GNA14: variants seen among roughly 807,000 people sequenced by gnomAD.
GNA14 encodes the protein guanine nucleotide-binding protein subunit alpha-14.
In GNA14, 50 loss-of-function variants were observed where a neutral mutation model predicts 42.0. The ratio of observed to expected loss-of-function variants is 1.19; its 90% CI spans 0.95 to 1.51. GNA14 has a LOEUF of 1.51. Among genes scored for constraint, GNA14 ranks in the 40% most tolerant of loss-of-function variants. The probability of loss-of-function intolerance (pLI) is 0.00; values close to 1 mark genes in which losing one functional copy is unlikely to be tolerated. For synonymous variants in GNA14, 173 were observed against 163.1 expected (o/e 1.06, Z -0.46); for missense variants, 473 against 446.2 (o/e 1.06, Z -0.54).
chr9:77,553,146 A>G (rs898633214), intron 1 of GNA14, among the ~76,000 whole-genome samples: 2 of 152,200 alleles, frequency 1.3e-5, no homozygotes, highest in Non-Finnish European at 2.9e-5. Context: ...TTGATCATTC[A>G]TGGAAGGGTG....
chr9:77,468,733 G>A (rs946625077), intron 2 of GNA14, among the ~76,000 whole-genome samples: 8 of 152,142 alleles, frequency 5.3e-5, no homozygotes, highest in Non-Finnish European at 8.8e-5. Context: ...AACAAATCCT[G>A]GAGCCTTGTG....
At chr9:77,569,904 T>C (rs1045617487) in intron 1 of GNA14, among the ~76,000 whole-genome samples, 1 of 152,104 alleles carries the variant, frequency 6.6e-6, no homozygotes, top group African/African-American at 2.4e-5. Context: ...ACAGCTGGGA[T>C]TACAGGCGTG....
intron 2 of GNA14, among the ~76,000 whole-genome samples, chr9:77,440,796 A>G (rs1587762314): frequency 6.6e-6 from 1 of 151,842 alleles, no homozygotes; most frequent in Non-Finnish European, 1.5e-5. Context: ...GTTCACTGCA[A>G]CCTCCACTTC....
intron 1 of GNA14, among the ~76,000 whole-genome samples, chr9:77,534,408 T>C (rs1837569312): frequency 1.3e-5 from 2 of 152,186 alleles, no homozygotes; most frequent in African/African-American, 4.8e-5. Context: ...GCAACATAAA[T>C]CTTTCCCAAG....
rs1231668747 is a variant in GNA14, at chr9:77,629,714, T to C, written c.124+17956A>G. Reference sequence around the variant, plus strand: ...TGGACACAGTGAGGGGAACATCACATACCGGGTTCTGTCAGGGGGTAGGGA... The same window carrying C: ...TGGACACAGTGAGGGGAACATCACACACCGGGTTCTGTCAGGGGGTAGGGA... On this transcript the variant is annotated intron_variant, in intron 1 of 6. Transcript: ENST00000341700. 6.6e-5 allele frequency among the ~76,000 whole-genome samples: 10 copies of C among 152,248 alleles called. 1 individual carries two copies. The South Asian group carries it at 2.1e-3, about 32-fold the overall frequency.
At chr9:77,439,868 G>C (rs1240257240) in intron 2 of GNA14, among the ~76,000 whole-genome samples, 1 of 152,116 alleles carries the variant, frequency 6.6e-6, no homozygotes, top group Non-Finnish European at 1.5e-5. Context: ...GAGGACAAGG[G>C]TTAGGGGAGA....
chr9:77,629,837 C>A (rs970976151), intron 1 of GNA14, among the ~76,000 whole-genome samples: 1 of 152,088 alleles, frequency 6.6e-6, no homozygotes, highest in Non-Finnish European at 1.5e-5. Flanking sequence ...ATGTAACAAA[C>A]CTGCACGTTC....
chr9:77,490,150 G>C (rs1564029971), intron 2 of GNA14, among the ~76,000 whole-genome samples: 1 of 152,212 alleles, frequency 6.6e-6, no homozygotes, highest in Non-Finnish European at 1.5e-5. Context: ...CCCTGAGCTA[G>C]ACATAAAGGT....
At chr9:77,496,321 G>A (rs1268156811) in intron 2 of GNA14, among the ~76,000 whole-genome samples, 2 of 151,836 alleles carry the variant, frequency 1.3e-5, no homozygotes, top group Non-Finnish European at 2.9e-5. Context: ...TCAAGTACAA[G>A]AGCCAAGTTT....
At chr9:77,536,706 G>A (rs1015486218) in intron 1 of GNA14, among the ~76,000 whole-genome samples, 5 of 152,170 alleles carry the variant, frequency 3.3e-5, no homozygotes, top group Non-Finnish European at 5.9e-5. Context: ...TAACCAAGAA[G>A]AGCAGCAATT....
intron 2 of GNA14, among the ~76,000 whole-genome samples, chr9:77,524,797 T>A (rs1474770364): frequency 6.6e-6 from 1 of 151,698 alleles, no homozygotes; most frequent in Non-Finnish European, 1.5e-5. Context: ...AAACAAGTAA[T>A]AAAAAAAATG....
chr9:77,575,443 T>C (rs1351581409), intron 1 of GNA14, among the ~76,000 whole-genome samples: 1 of 152,214 alleles, frequency 6.6e-6, no homozygotes. Flanking sequence ...AAGGTTCTTA[T>C]TGAGATATCA....
intron 1 of GNA14, among the ~76,000 whole-genome samples, chr9:77,622,930 C>T (rs1317113784): frequency 7.2e-6 from 1 of 139,428 alleles, no homozygotes; most frequent in Non-Finnish European, 1.6e-5. Context: ...TTTTCAGTTT[C>T]AGGTGGGGCA....
At chr9:77,646,930 C>T (rs1469299179) in intron 1 of GNA14, among the ~76,000 whole-genome samples, 1 of 152,172 alleles carries the variant, frequency 6.6e-6, no homozygotes. Flanking sequence ...GCCAGAGGCA[C>T]CAGGGCAGCC....
intron 2 of GNA14, among the ~76,000 whole-genome samples, chr9:77,482,850 C>G (rs1013581938): frequency 2.0e-5 from 3 of 152,208 alleles, no homozygotes; most frequent in African/African-American, 7.2e-5. Flanking sequence ...ATTGCATCAG[C>G]TCCTGAGGCT....
chr9:77,560,932 ACTT>A (rs1360552839), intron 1 of GNA14, among the ~76,000 whole-genome samples: 3 of 152,168 alleles, frequency 2.0e-5, no homozygotes, highest in African/African-American at 7.2e-5. Flanking sequence ...ATTCCTCCTG[ACTT>A]CTTAAGCTTC....
At chr9:77,613,467 C>T (rs542785718) in intron 1 of GNA14, among the ~76,000 whole-genome samples, 1 of 152,302 alleles carries the variant, frequency 6.6e-6, no homozygotes, top group African/African-American at 2.4e-5. Context: ...GGAGACTATA[C>T]GGCATGGTGC....
At chr9:77,610,390 TA>T (rs959388382) in intron 1 of GNA14, among the ~76,000 whole-genome samples, 11 of 152,182 alleles carry the variant, frequency 7.2e-5, no homozygotes, top group Non-Finnish European at 1.6e-4. Context: ...ATCAAATTAT[TA>T]AATCTTCATG....
chr9:77,628,507 C>T (rs75927155), intron 1 of GNA14, among the ~76,000 whole-genome samples: 1 of 152,246 alleles, frequency 6.6e-6, no homozygotes, highest in Non-Finnish European at 1.5e-5. Context: ...GCTACAGTAA[C>T]CAAAACAGCA....
Sources: allele counts gnomAD v4.1 joint callset (sites outside exome capture counted in the v4.1 genomes callset), GRCh38; gene constraint gnomAD v4.1.1; transcripts MANE v1.5; gene names NCBI Gene and HGNC (gene_info 2026-07-23, HGNC 2026-07-21).